Variants in ZNF91 observed in about 807,000 individuals in gnomAD.
ZNF91 encodes the protein zinc finger protein 91 (HPF7, HTF10).
ZNF91 carries 7 observed loss-of-function variants against 12.6 expected under a neutral mutation model. That is an observed-to-expected ratio of 0.55 (90% confidence interval 0.31 to 1.04). The LOEUF is 1.04. ZNF91 is among the 50% of genes least tolerant of loss of function. The pLI is 0.05. For synonymous variants in ZNF91, 453 were observed against 462.6 expected, an observed-to-expected ratio of 0.98 and a Z score of 0.27; for missense variants, 1,217 against 1,385.4, an observed-to-expected ratio of 0.88 and a Z score of 1.93.
downstream of ZNF91, among the ~76,000 whole-genome samples, chr19:23,354,799 C>T (rs1457218412): frequency 6.6e-6 from 1 of 152,064 alleles, no homozygotes; most frequent in African/African-American, 2.4e-5. Flanking sequence ...ATGTACACAA[C>T]TCAGTAGCTC....
intron 3 of ZNF91, among the ~76,000 whole-genome samples, chr19:23,368,805 C>A (rs891727641): frequency 4.0e-5 from 6 of 151,114 alleles, no homozygotes; most frequent in Non-Finnish European, 4.4e-5. Flanking sequence ...TAAAACGGAA[C>A]AATAAAGTTA....
intron 1 of ZNF91, among the ~76,000 whole-genome samples, chr19:23,318,076 C>T (rs577889932): frequency 8.5e-5 from 13 of 152,286 alleles, no homozygotes; most frequent in African/African-American, 1.4e-4. Flanking sequence ...GCCTTGGCAC[C>T]GCCCACAGAC....
In ZNF91 at chr19:23,359,434, A is replaced by G. The variant is rs1289269652; in HGVS notation, c.3545T>C (p.Leu1182Pro). The part of the protein sequence containing the change: ...GSRGQEMETI[L>P]ANTVKPLLY The stretch of plus-strand genomic sequence containing the variant: ...GAGAAGGGGTTTCACTGTGTTAGCC[A>G]GGATGGTCTCCATCTCCTGACCTCG... Residue 1182 changes from leucine to proline, a missense_variant, in exon 4 of 4, where the codon CTG becomes CCG. Physicochemically the swap from Leu to Pro is moderately conservative, Grantham distance 98. Transcript: ENST00000300619. 7.3e-7 allele frequency: 1 copy of G among 1,365,030 alleles called. No individual in the cohort carries two copies. The highest frequency in any genetic ancestry group is 1.0e-6 in the Non-Finnish European group (1 of 962,170). The allele number at this position is 1,365,030 out of a possible 1,614,324, so 84.6% of individuals were successfully genotyped here. A position where few individuals can be genotyped will look rare whatever the true frequency, so the allele number is the denominator to read the frequency against.
At chr19:23,394,161 G>T (rs1275263392) in intron 1 of ZNF91, among the ~76,000 whole-genome samples, 1 of 152,124 alleles carries the variant, frequency 6.6e-6, no homozygotes, top group East Asian at 1.9e-4. Flanking sequence ...GAGGAACAGG[G>T]GATGAGGGGT....
intron 3 of ZNF91, among the ~76,000 whole-genome samples, chr19:23,340,575 T>C (rs925653007): frequency 1.3e-5 from 2 of 151,996 alleles, no homozygotes; most frequent in Non-Finnish European, 2.9e-5. Context: ...CAGGACTAAA[T>C]GCACAGCAAA....
In ZNF91 at chr19:23,388,944, T is replaced by C. The variant is rs542119596; in HGVS notation, c.30+6381A>G. Among the ~76,000 whole-genome samples, 82 of 152,072 alleles carry C rather than the reference T, an allele frequency of 5.4e-4. 1 individual carries two copies. The highest frequency in any genetic ancestry group is 2.0e-3 in the African/African-American group (81 of 41,496). On this transcript the variant is annotated intron_variant, in intron 1 of 3. Transcript: ENST00000300619. Reference sequence around the variant, plus strand: ...ATGCATGTTATTTATAAGTAAGAGCTAAATAATAAAAACATGAACACAGAG... The same window carrying C: ...ATGCATGTTATTTATAAGTAAGAGCCAAATAATAAAAACATGAACACAGAG...
rs117241516 is a variant in ZNF91 at position 23,384,058 on chromosome 19, G to A, written c.31-9294C>T. Among the ~76,000 whole-genome samples, 1,434 of 152,206 alleles carry A rather than the reference G, an allele frequency of 9.4e-3. 15 individuals carry two copies. The highest frequency in any genetic ancestry group is 0.014 in the Non-Finnish European group (919 of 68,016). On this transcript the variant is annotated intron_variant, in intron 1 of 3. Transcript: ENST00000300619. The stretch of plus-strand genomic sequence containing the variant: ...CTAGGAGGCAGAGGTTGCAGTTAGC[G>A]AGATCGTGCCACTACCCTCCAGCCT...
chr19:23,332,575 G>A (rs544330563), intron 1 of ZNF91, among the ~76,000 whole-genome samples: 9 of 152,164 alleles, frequency 5.9e-5, no homozygotes, highest in Non-Finnish European at 1.2e-4. Flanking sequence ...AATCTCCTGT[G>A]TGCAGAGTTC....
At chr19:23,353,340 A>G (rs1375549565), downstream of ZNF91, among the ~76,000 whole-genome samples, 1 of 152,208 alleles carries the variant, frequency 6.6e-6, no homozygotes, top group African/African-American at 2.4e-5. Flanking sequence ...GAAATTAAAT[A>G]ATCTGCTCCT....
At position 23,350,244 on chromosome 19, in the gene ZNF91, A is replaced by C. The variant is rs547374609; in HGVS notation, c.254-11190T>G. Reference sequence around the variant, plus strand: ...ACTTCAAACATCAGAAGAGAAGCCCATGTGCCAGTCCAAACCTGGAAGGGG... The same window carrying C: ...ACTTCAAACATCAGAAGAGAAGCCCCTGTGCCAGTCCAAACCTGGAAGGGG... On this transcript the variant is annotated intron_variant, in intron 3 of 3. Transcript: ENST00000599743. Among the ~76,000 whole-genome samples the C allele has an allele frequency of 1.1e-4, 17 of 152,290 alleles. No homozygotes were observed. In the South Asian group the frequency reaches 3.5e-3, roughly 32 times the overall value.
At chr19:23,337,073 T>C (rs1968025120), downstream of ZNF91, among the ~76,000 whole-genome samples, 1 of 152,182 alleles carries the variant, frequency 6.6e-6, no homozygotes, top group African/African-American at 2.4e-5. Context: ...GCTTTTATGG[T>C]ATCCATCACT....
intron 1 of ZNF91, among the ~76,000 whole-genome samples, chr19:23,376,437 T>C (rs976873703): frequency 1.3e-5 from 2 of 151,738 alleles, no homozygotes; most frequent in Non-Finnish European, 2.9e-5. Flanking sequence ...TTGCCCAGAC[T>C]GGAGTGGAAT....
Position 23,386,303 on chromosome 19 carries a change from A to G in ZNF91, c.30+9022T>C, listed in dbSNP as rs1456651717. Among the ~76,000 whole-genome samples the G allele has an allele frequency of 2.6e-5, 4 of 152,224 alleles. No individual in the cohort carries two copies. In the East Asian group the frequency reaches 7.7e-4, roughly 29 times the overall value. ...AAAATATTTTTAACAGAATGAAAAA[A>G]AAACTGTTGTAAAATTCATATAAAA... On this transcript the variant is annotated intron_variant, in intron 1 of 3. Coordinates refer to ENST00000300619, the MANE Select transcript of ZNF91 (RefSeq NM_003430.4).
intron 1 of ZNF91, among the ~76,000 whole-genome samples, chr19:23,315,858 C>T (rs1967549075): frequency 1.3e-5 from 2 of 152,110 alleles, no homozygotes; most frequent in Admixed American, 1.3e-4. Flanking sequence ...GTACCCAGAA[C>T]CTAAGTAATG....
intron 1 of ZNF91, among the ~76,000 whole-genome samples, chr19:23,330,077 G>C (rs1967901083): frequency 6.6e-6 from 1 of 152,184 alleles, no homozygotes; most frequent in South Asian, 2.1e-4. Flanking sequence ...GCTCATGCCT[G>C]TAATCCCAGC....
intron 1 of ZNF91, among the ~76,000 whole-genome samples, chr19:23,317,549 C>A (rs1283586175): frequency 6.6e-6 from 1 of 152,178 alleles, no homozygotes; most frequent in Non-Finnish European, 1.5e-5. Flanking sequence ...CCTGACAAGG[C>A]ACAGCACAGG....
chr19:23,336,226 G>A (rs1322474337), downstream of ZNF91, among the ~76,000 whole-genome samples: 3 of 152,178 alleles, frequency 2.0e-5, no homozygotes, highest in Admixed American at 6.6e-5. Flanking sequence ...CAAGGAAATC[G>A]AGTACATGGA....
upstream of ZNF91, among the ~76,000 whole-genome samples, chr19:23,313,872 T>C (rs1282629028): frequency 6.6e-6 from 1 of 152,118 alleles, no homozygotes; most frequent in Non-Finnish European, 1.5e-5. Context: ...ACTGTTAATA[T>C]TGTGAATTTT....
Position 23,395,380 on chromosome 19 carries a change from C to T in ZNF91, c.-26G>A, listed in dbSNP as rs1970200683. The stretch of plus-strand genomic sequence containing the variant: ...CTTAGCTGTGGCTCTCCAATACCTG[C>T]AGGTCACAGGGCCACACAGGCTGGG... On this transcript the variant is annotated 5_prime_UTR_variant, in exon 1 of 4. Coordinates refer to ENST00000300619, the MANE Select transcript of ZNF91 (RefSeq NM_003430.4). 1.2e-6 allele frequency: 2 copies of T among 1,613,296 alleles called. No homozygotes were observed. The highest frequency in any genetic ancestry group is 1.3e-5 in the African/African-American group (1 of 74,892).
Sources: allele counts gnomAD v4.1 joint callset (sites outside exome capture counted in the v4.1 genomes callset), GRCh38; gene constraint gnomAD v4.1.1; transcripts MANE v1.5; gene names NCBI Gene and HGNC (gene_info 2026-07-23, HGNC 2026-07-21).